The following ZBTB40 variants were observed in gnomAD, a reference collection of about 807,000 sequenced individuals.
The protein encoded by ZBTB40 is zinc finger and BTB domain containing 40.
Under a neutral mutation model 117.5 loss-of-function variants are expected in ZBTB40, and 60 were observed. The observed-to-expected ratio is 0.51, with a 90% CI of 0.41 to 0.63. The LOEUF is 0.63. Ranked by LOEUF, ZBTB40 falls within the 30% of genes least tolerant of loss-of-function variation. ZBTB40 has a pLI of 0.00. For synonymous variants in ZBTB40, 525 were observed against 577.1 expected, an observed-to-expected ratio of 0.91 and a Z score of 1.29; for missense variants, 1,287 against 1,498.5, an observed-to-expected ratio of 0.86 and a Z score of 2.33.
upstream of ZBTB40, among the ~76,000 whole-genome samples, chr1:22,451,237 T>G (rs2124374776): frequency 6.6e-6 from 1 of 152,330 alleles, no homozygotes; most frequent in East Asian, 1.9e-4. Flanking sequence ...GCGGCTCAGG[T>G]CGCCTCTCCG....
intron 1 of ZBTB40, among the ~76,000 whole-genome samples, chr1:22,443,025 G>A (rs1640750908): frequency 6.6e-6 from 1 of 152,150 alleles, no homozygotes; most frequent in Non-Finnish European, 1.5e-5. Context: ...CAGGTTCTCA[G>A]AGTGAATATC....
intron 7 of ZBTB40, 59 bp downstream of exon 7, chr1:22,508,196 A>G (rs1446017092): frequency 1.9e-6 from 3 of 1,552,796 alleles, no homozygotes; most frequent in Non-Finnish European, 2.6e-6. Context: ...AGGAAAAAAT[A>G]TGAATACACA....
At chr1:22,523,594 C>CATA (rs1266646907) in intron 16 of ZBTB40, among the ~76,000 whole-genome samples, 1 of 152,180 alleles carries the variant, frequency 6.6e-6, no homozygotes, top group Non-Finnish European at 1.5e-5. Flanking sequence ...GTCTCTTGAG[C>CATA]GTTATGTAAA....
intron 1 of ZBTB40, among the ~76,000 whole-genome samples, chr1:22,464,158 A>C (rs1641197731): frequency 6.6e-6 from 1 of 152,228 alleles, no homozygotes; most frequent in African/African-American, 2.4e-5. Context: ...AGGTACTATT[A>C]CTATCTGCAT....
intron 1 of ZBTB40, among the ~76,000 whole-genome samples, chr1:22,473,279 A>T (rs1048854710): frequency 6.6e-6 from 1 of 152,166 alleles, no homozygotes; most frequent in East Asian, 1.9e-4. Context: ...TCTTATGCAC[A>T]TTAAAGTGTG....
intron 17 of ZBTB40, 40 bp from the exon 18 acceptor site, chr1:22,526,162 G>A: frequency 6.2e-7 from 1 of 1,611,784 alleles, no homozygotes; most frequent in Non-Finnish European, 8.5e-7. Flanking sequence ...AGCCAACTGT[G>A]AACACTGCCC....
chr1:22,449,426 C>T (rs1640829461), upstream of ZBTB40, among the ~76,000 whole-genome samples: 1 of 152,200 alleles, frequency 6.6e-6, no homozygotes, highest in Admixed American at 6.5e-5. Context: ...TCTTCTTATT[C>T]TTCCATATCA....
chr1:22,526,491 G>GT lies in ZBTB40; in HGVS notation c.*96dup. 6.6e-7 allele frequency: 1 copy of GT among 1,510,074 alleles called. No homozygotes were observed. The highest frequency in any genetic ancestry group is 9.1e-7 in the Non-Finnish European group (1 of 1,096,048). The allele number at this position is 1,510,074 out of a possible 1,614,324, so 93.5% of individuals were successfully genotyped here. ...CCTCCATCCCTGGCTGTCCTGAGTG[G>GT]TGAGCATCTTAGCTTAGCACCAACC... On this transcript the variant is annotated 3_prime_UTR_variant, in exon 18 of 18. Transcript: ENST00000375647.
In ZBTB40 at chr1:22,508,035, A is replaced by G. The variant is rs768096957; in HGVS notation, c.1395A>G (p.Leu465=). 5.6e-6 allele frequency: 9 copies of G among 1,614,052 alleles called. No individual in the cohort carries two copies. Among genetic ancestry groups the G allele is most frequent in the Non-Finnish European group, 7.6e-6 (9 of 1,180,042 alleles). ...QPSPDDYGTE[L]LRRYHENLSE... ...GCCCTGATGATTATGGGACTGAGCT[A>G]TTGAGACGCTATCATGAAAACCTCT... The change falls in exon 7 of 18, where the codon CTA becomes CTG. Residue 465 remains leucine (L), a synonymous_variant. Transcript: ENST00000375647.
In ZBTB40 at chr1:22,474,943, T is replaced by TA. The variant is rs57704010; in HGVS notation, c.-69-14923dup. On this transcript the variant is annotated intron_variant, in intron 1 of 17. Coordinates refer to ENST00000375647, the MANE Select transcript of ZBTB40 (RefSeq NM_014870.4). ...AGATAGGGATTACCAGTACCAACAA[T>TA]AAAAAAAAAAAAAACAGGTAAGCTT... Among the ~76,000 whole-genome samples the TA allele has an allele frequency of 2.1e-3, 292 of 141,100 alleles. 2 individuals are homozygous for TA. Among genetic ancestry groups the TA allele is most frequent in the Non-Finnish European group, 2.1e-3 (138 of 64,280 alleles). The allele number at this position is 141,100 out of a possible 152,430, so 92.6% of individuals were successfully genotyped here. A position where few individuals can be genotyped will look rare whatever the true frequency, so the allele number is the denominator to read the frequency against.
chr1:22,478,566 C>T (rs1641607809), intron 1 of ZBTB40, among the ~76,000 whole-genome samples: 1 of 152,070 alleles, frequency 6.6e-6, no homozygotes, highest in South Asian at 2.1e-4. Flanking sequence ...ATTTTCTTAC[C>T]TATAAAATGG....
chr1:22,437,817 CTT>C (rs1328330656), intron 1 of ZBTB40, among the ~76,000 whole-genome samples: 3 of 151,166 alleles, frequency 2.0e-5, no homozygotes, highest in African/African-American at 7.3e-5. Context: ...CTCCATAACT[CTT>C]TTCGTCTTGT....
At chr1:22,463,248 T>C (rs1344194) in intron 1 of ZBTB40, among the ~76,000 whole-genome samples, 59,927 of 152,002 alleles carry the variant, frequency 0.39, 14,670 homozygotes, top group African/African-American at 0.66. Context: ...GTAGAGCACA[T>C]AGCCGCTGGC....
chr1:22,470,922 T>C (rs1641389279), intron 1 of ZBTB40, among the ~76,000 whole-genome samples: 1 of 152,264 alleles, frequency 6.6e-6, no homozygotes, highest in African/African-American at 2.4e-5. Context: ...TCTATGATTC[T>C]GAAGAGACTT....
At chr1:22,491,595 C>G in intron 3 of ZBTB40, 62 bp downstream of exon 3, 1 of 1,561,514 alleles carries the variant, frequency 6.4e-7, no homozygotes, top group Non-Finnish European at 8.8e-7. Context: ...ACCTTACTAA[C>G]TTTTTATATG....
intron 15 of ZBTB40, 136 bp downstream of exon 15, chr1:22,521,794 C>T (rs1383527767): frequency 1.6e-6 from 2 of 1,281,476 alleles, no homozygotes; most frequent in African/African-American, 1.5e-5. Flanking sequence ...CCCAGCGCAC[C>T]TGTCCGTAGC....
At chr1:22,512,725 G>A (rs1639274833) in intron 11 of ZBTB40, among the ~76,000 whole-genome samples, 199 bp from the exon 12 acceptor site, 1 of 152,222 alleles carries the variant, frequency 6.6e-6, no homozygotes, top group African/African-American at 2.4e-5. Context: ...AAGGCCAGGT[G>A]ACTTTGGGGA....
At chr1:22,489,215 A>G (rs1188323936) in intron 1 of ZBTB40, among the ~76,000 whole-genome samples, 1 of 152,162 alleles carries the variant, frequency 6.6e-6, no homozygotes, top group East Asian at 1.9e-4. Context: ...CATTTAGATG[A>G]TATTTCAAAG....
rs1307431728 is a variant in ZBTB40 at position 22,522,439 on chromosome 1, G to A, written c.3274G>A (p.Val1092Ile). The stretch of plus-strand genomic sequence containing the variant: ...CTTCCCCACGCCAGCCTTGCTGCAG[G>A]TTCATGTCAAGTGCCAGCATTCAGG... ...ELFPTPALLQ[V>I]HVKCQHSGSQ... The change falls in exon 16 of 18, where the codon GTT (valine) becomes ATT (isoleucine). Residue 1092 changes from valine (V) to isoleucine (I), a missense_variant. Coordinates refer to ENST00000375647, the MANE Select transcript of ZBTB40 (RefSeq NM_014870.4). The A allele has an allele frequency of 6.2e-7, 1 of 1,614,182 alleles. No homozygotes were observed.
Sources: allele counts gnomAD v4.1 joint callset (sites outside exome capture counted in the v4.1 genomes callset), GRCh38; gene constraint gnomAD v4.1.1; transcripts MANE v1.5; gene names NCBI Gene and HGNC (gene_info 2026-07-23, HGNC 2026-07-21).